NTM: variants seen among roughly 807,000 people sequenced by gnomAD.
The protein encoded by NTM is IgLON family member 2.
In NTM, 13 loss-of-function variants were observed where a neutral mutation model predicts 42.1. The observed-to-expected ratio is 0.31, with a 90% CI of 0.20 to 0.49. NTM has a LOEUF of 0.49. NTM is among the 20% of genes least tolerant of loss of function. The pLI is 0.99. For synonymous variants in NTM, 187 were observed against 179.2 expected (o/e 1.04, Z -0.35); for missense variants, 373 against 452.8 (o/e 0.82, Z 1.60).
intron 1 of NTM, among the ~76,000 whole-genome samples, chr11:131,874,050 T>TAATAATATAATATA (rs1179254516): frequency 9.7e-6 from 1 of 102,844 alleles, no homozygotes; most frequent in East Asian, 2.4e-4. Context: ...TATATATATA[T>TAATAATATAATATA]ATATATATAT....
At chr11:132,030,901 A>G (rs2075828406) in intron 2 of NTM, among the ~76,000 whole-genome samples, 1 of 152,194 alleles carries the variant, frequency 6.6e-6, no homozygotes, top group Non-Finnish European at 1.5e-5. Flanking sequence ...TTGGACTTGT[A>G]GGTTCGCTGG....
chr11:132,272,061 G>C (rs1043478713), intron 4 of NTM, among the ~76,000 whole-genome samples: 7 of 152,006 alleles, frequency 4.6e-5, no homozygotes, highest in Non-Finnish European at 1.0e-4. Flanking sequence ...TTAGTATGTA[G>C]TAAGATACAA....
At chr11:132,284,539 C>G (rs983622236) in intron 4 of NTM, among the ~76,000 whole-genome samples, 2 of 151,920 alleles carry the variant, frequency 1.3e-5, no homozygotes, top group Admixed American at 6.6e-5. Context: ...GACCCTGCTT[C>G]CAAATGCCCC....
At chr11:132,194,744 G>C (rs1382382688) in intron 3 of NTM, among the ~76,000 whole-genome samples, 1 of 148,954 alleles carries the variant, frequency 6.7e-6, no homozygotes, top group Admixed American at 6.7e-5. Flanking sequence ...AAGCCTCCTA[G>C]AACTGATAAA....
chr11:132,316,552 A>C (rs908444286), intron 7 of NTM, among the ~76,000 whole-genome samples: 5 of 152,172 alleles, frequency 3.3e-5, no homozygotes, highest in African/African-American at 1.2e-4. Context: ...AGTGGGGTAC[A>C]TGTGGGGATG....
chr11:132,099,659 C>T (rs1386930006), intron 2 of NTM, among the ~76,000 whole-genome samples: 1 of 152,182 alleles, frequency 6.6e-6, no homozygotes, highest in Non-Finnish European at 1.5e-5. Flanking sequence ...AATTCTGCCA[C>T]TGCAGGACAG....
intron 2 of NTM, among the ~76,000 whole-genome samples, chr11:132,064,391 T>G (rs561664446): frequency 2.6e-5 from 4 of 152,168 alleles, no homozygotes; most frequent in Non-Finnish European, 5.9e-5. Context: ...GTGTATATAA[T>G]TGTGAAATTG....
At chr11:131,419,378 G>A (rs943605244) in intron 1 of NTM, among the ~76,000 whole-genome samples, 4 of 152,290 alleles carry the variant, frequency 2.6e-5, no homozygotes, top group Admixed American at 6.5e-5. Context: ...ATGAAATAAC[G>A]GAGAATAAGA....
At chr11:131,715,971 C>A (rs757627579) in intron 1 of NTM, among the ~76,000 whole-genome samples, 1 of 152,212 alleles carries the variant, frequency 6.6e-6, no homozygotes, top group Non-Finnish European at 1.5e-5. Context: ...ATAAACCAGT[C>A]TTTGCATGGT....
chr11:132,261,447 C>T (rs1308136837), intron 4 of NTM, among the ~76,000 whole-genome samples: 5 of 152,072 alleles, frequency 3.3e-5, no homozygotes, highest in Admixed American at 2.6e-4. Flanking sequence ...TCCCTTTTGC[C>T]GTGGTTATAA....
At chr11:131,609,726 C>T (rs1443234450) in intron 1 of NTM, among the ~76,000 whole-genome samples, 1 of 152,222 alleles carries the variant, frequency 6.6e-6, no homozygotes, top group Non-Finnish European at 1.5e-5. Flanking sequence ...AACTACTCTC[C>T]TTTATTCACT....
intron 2 of NTM, among the ~76,000 whole-genome samples, chr11:132,037,956 T>G (rs1053263094): frequency 1.3e-5 from 2 of 152,224 alleles, no homozygotes; most frequent in African/African-American, 4.8e-5. Flanking sequence ...ACCAAACTAA[T>G]TTGTGTTTGC....
chr11:131,606,997 T>C (rs1206716992), intron 1 of NTM, among the ~76,000 whole-genome samples: 1 of 152,228 alleles, frequency 6.6e-6, no homozygotes, highest in African/African-American at 2.4e-5. Flanking sequence ...CCCATCGTGA[T>C]CATCTGAATT....
At chr11:131,686,968 AGGGTGTGG>A (rs892343717) in intron 1 of NTM, among the ~76,000 whole-genome samples, 3 of 152,036 alleles carry the variant, frequency 2.0e-5, no homozygotes, top group Non-Finnish European at 4.4e-5. Context: ...CCCTGGTGGG[AGGGTGTGG>A]GGGCAGCGGA....
chr11:131,793,137 C>T lies in NTM; in HGVS notation c.83-118427C>T, dbSNP rs372194288. On this transcript the variant is annotated intron_variant, in intron 1 of 8. Transcript: ENST00000683400. ...ACATAAAAAATAAAACTGCAACACA[C>T]GAAGGACTACCCATGAATGTGGACC... Among the ~76,000 whole-genome samples the T allele has an allele frequency of 6.9e-4, 105 of 152,312 alleles. 2 individuals carry two copies. The highest frequency in any genetic ancestry group is 2.3e-3 in the African/African-American group (96 of 41,570).
intron 1 of NTM, among the ~76,000 whole-genome samples, chr11:131,659,396 G>A (rs919547760): frequency 6.6e-6 from 1 of 152,192 alleles, no homozygotes; most frequent in Non-Finnish European, 1.5e-5. Context: ...CAAGGGGATG[G>A]CCCTCCATCA....
At chr11:132,159,716 G>GA (rs1477773065) in intron 3 of NTM, among the ~76,000 whole-genome samples, 5 of 151,880 alleles carry the variant, frequency 3.3e-5, no homozygotes, top group Admixed American at 1.3e-4. Context: ...GAACTTCCCA[G>GA]AAAAAAAAGA....
intron 1 of NTM, among the ~76,000 whole-genome samples, chr11:131,780,610 A>G (rs1195706125): frequency 1.3e-5 from 2 of 152,110 alleles, no homozygotes; most frequent in Non-Finnish European, 2.9e-5. Flanking sequence ...ATTTCTATTC[A>G]ATGTTGTTTT....
intron 1 of NTM, among the ~76,000 whole-genome samples, chr11:131,852,216 C>T (rs1032998892): frequency 6.6e-6 from 1 of 152,126 alleles, no homozygotes; most frequent in Non-Finnish European, 1.5e-5. Context: ...GCCTTGGGAA[C>T]TTCAAACAAG....
Sources: allele counts gnomAD v4.1 joint callset (sites outside exome capture counted in the v4.1 genomes callset), GRCh38; gene constraint gnomAD v4.1.1; transcripts MANE v1.5; gene names NCBI Gene and HGNC (gene_info 2026-07-23, HGNC 2026-07-21).